The following PHLPP1 variants were observed in gnomAD, a reference collection of about 807,000 sequenced individuals.
PHLPP1 encodes the protein PH domain leucine-rich repeat-containing protein phosphatase 1.
In PHLPP1, 42 loss-of-function variants were observed where a neutral mutation model predicts 117.2. The observed-to-expected ratio is 0.36, with a 90% CI of 0.28 to 0.46. PHLPP1 has a LOEUF of 0.46. Among genes scored for constraint, PHLPP1 ranks in the 20% least tolerant of loss-of-function variants. The probability of loss-of-function intolerance (pLI) is 1.00; values close to 1 mark genes in which losing one functional copy is unlikely to be tolerated. For synonymous variants in PHLPP1, 1,042 were observed against 970.7 expected (o/e 1.07, Z -1.37); for missense variants, 2,084 against 2,241.9 (o/e 0.93, Z 1.42).
intron 2 of PHLPP1, among the ~76,000 whole-genome samples, chr18:62,832,540 G>T (rs1166357283): frequency 6.6e-6 from 1 of 152,192 alleles, no homozygotes. Context: ...TCCCAGGTCT[G>T]TTACTGGATG....
intron 4 of PHLPP1, among the ~76,000 whole-genome samples, chr18:62,884,256 T>A (rs535881352): frequency 6.6e-6 from 1 of 152,214 alleles, no homozygotes; most frequent in Non-Finnish European, 1.5e-5. Flanking sequence ...TATCTCCTAT[T>A]TATGCAGCTG....
rs966217706 is a variant in PHLPP1, at chr18:62,978,240, C to G, written c.3985-22C>G. 4 of 1,486,336 alleles carry G rather than the reference C, an allele frequency of 2.7e-6. No homozygotes were observed. In the African/African-American group the frequency reaches 5.5e-5, roughly 20 times the overall value. 92.1% of individuals were successfully genotyped at this position (1,486,336 alleles called of 1,614,324 possible). The stretch of plus-strand genomic sequence containing the variant: ...CAGGTGCTCTGTATTAACTGTCTGT[C>G]TGCAAACCCTTGTTCTTCCAGGATG... On this transcript the variant is annotated intron_variant, in intron 16 of 16. Transcript: ENST00000262719. This position sits in a 1 kb window ranked among gnomAD's most constrained non-coding sequence, Gnocchi z 7.0.
chr18:62,871,847 G>A (rs554613811), intron 4 of PHLPP1, among the ~76,000 whole-genome samples: 82 of 152,052 alleles, frequency 5.4e-4, no homozygotes, highest in African/African-American at 2.0e-3. Context: ...GTTTCACCAT[G>A]TTGGCCAGGC....
chr18:62,720,291 A>G lies in PHLPP1; in HGVS notation c.1576+3032A>G, dbSNP rs373044539. 5.3e-5 allele frequency among the ~76,000 whole-genome samples: 8 copies of G among 152,114 alleles called. No individual in the cohort carries two copies. In the East Asian group the frequency reaches 1.3e-3, roughly 26 times the overall value. On this transcript the variant is annotated intron_variant, in intron 1 of 16. Transcript: ENST00000262719. Reference sequence around the variant, plus strand: ...TGTCATTGATGTAGGGCAGCATTAAACTATATCTTTTTATATTTTTTGACT... The same window carrying G: ...TGTCATTGATGTAGGGCAGCATTAAGCTATATCTTTTTATATTTTTTGACT...
intron 2 of PHLPP1, among the ~76,000 whole-genome samples, chr18:62,832,953 TAAATA>T (rs1316943146): frequency 1.3e-5 from 2 of 152,206 alleles, no homozygotes; most frequent in Non-Finnish European, 2.9e-5. Context: ...GCTTTGCTGT[TAAATA>T]AAACTCTCAA....
chr18:62,947,627 A>G lies in PHLPP1; in HGVS notation c.3324+2356A>G, dbSNP rs114394463. ...TGAGAGTCTCAAGATTAAACCTCCT[A>G]TTTGCTGGTCTTAGTGTCTGTATCT... On this transcript the variant is annotated intron_variant, in intron 12 of 16. Coordinates refer to ENST00000262719, the MANE Select transcript of PHLPP1 (RefSeq NM_194449.4). Among the ~76,000 whole-genome samples, 753 of 152,274 alleles carry G rather than the reference A, an allele frequency of 4.9e-3. 4 individuals are homozygous for G. The highest frequency in any genetic ancestry group is 0.017 in the African/African-American group (718 of 41,552).
At chr18:62,751,466 G>A (rs141766062) in intron 1 of PHLPP1, among the ~76,000 whole-genome samples, 1 of 152,204 alleles carries the variant, frequency 6.6e-6, no homozygotes, top group Non-Finnish European at 1.5e-5. Flanking sequence ...TGGCAAGCAT[G>A]CAGAGGAGAG....
chr18:62,820,955 G>A (rs1339356257), intron 1 of PHLPP1, among the ~76,000 whole-genome samples: 1 of 152,178 alleles, frequency 6.6e-6, no homozygotes, highest in Non-Finnish European at 1.5e-5. Context: ...ATAAAAGAAA[G>A]ATAGCTGGAA....
chr18:62,723,905 C>T (rs2122049551), intron 1 of PHLPP1, among the ~76,000 whole-genome samples: 1 of 152,256 alleles, frequency 6.6e-6, no homozygotes. Context: ...AGATCTCTTC[C>T]AACTCGTAAC....
intron 4 of PHLPP1, among the ~76,000 whole-genome samples, chr18:62,876,525 A>G (rs1916054573): frequency 6.6e-6 from 1 of 152,150 alleles, no homozygotes; most frequent in Non-Finnish European, 1.5e-5. Context: ...ATTGCCATCT[A>G]CTGTAAAGTC....
chr18:62,866,753 A>G (rs1468912043), intron 4 of PHLPP1, among the ~76,000 whole-genome samples: 2 of 152,220 alleles, frequency 1.3e-5, no homozygotes, highest in African/African-American at 4.8e-5. Flanking sequence ...AGGAGGATTC[A>G]GATTCTGTCT....
At chr18:62,794,645 G>C (rs1004951920) in intron 1 of PHLPP1, among the ~76,000 whole-genome samples, 4 of 152,132 alleles carry the variant, frequency 2.6e-5, no homozygotes, top group African/African-American at 9.7e-5. Context: ...AAAGTGATGG[G>C]ATTACAGGCA....
At position 62,979,518 on chromosome 18, in the gene PHLPP1, C is replaced by G; in HGVS notation, c.*87C>G. The G allele has an allele frequency of 2.9e-6, 4 of 1,377,680 alleles. No homozygotes were observed. The highest frequency in any genetic ancestry group is 2.9e-6 in the Non-Finnish European group (3 of 1,018,542). The allele number at this position is 1,377,680 out of a possible 1,614,324, so 85.3% of individuals were successfully genotyped here. A position where few individuals can be genotyped will look rare whatever the true frequency, so the allele number is the denominator to read the frequency against. ...GGCTCACATTAAACCAGGGGTTTTA[C>G]TCCACATCCTTCCCCCAGACACTGT... is the stretch of plus-strand genomic sequence containing the variant. On this transcript the variant is annotated 3_prime_UTR_variant, in exon 17 of 17. Coordinates refer to ENST00000262719, the MANE Select transcript of PHLPP1 (RefSeq NM_194449.4).
intron 4 of PHLPP1, among the ~76,000 whole-genome samples, chr18:62,875,971 G>T (rs1301684932): frequency 6.6e-6 from 1 of 152,062 alleles, no homozygotes; most frequent in Non-Finnish European, 1.5e-5. Flanking sequence ...GACCTGAGAT[G>T]ATCTGCCTGC....
chr18:62,886,015 G>C (rs1916279355), intron 4 of PHLPP1, among the ~76,000 whole-genome samples: 1 of 152,188 alleles, frequency 6.6e-6, no homozygotes, highest in African/African-American at 2.4e-5. Flanking sequence ...TGGCTGTGAA[G>C]CTGGAGAAAG....
chr18:62,852,039 G>T (rs913437992), intron 3 of PHLPP1, among the ~76,000 whole-genome samples: 2 of 151,562 alleles, frequency 1.3e-5, no homozygotes, highest in African/African-American at 2.4e-5. Context: ...ACCACACCTG[G>T]CCAATTTTTT....
At chr18:62,750,929 G>A (rs1911831937) in intron 1 of PHLPP1, among the ~76,000 whole-genome samples, 1 of 152,124 alleles carries the variant, frequency 6.6e-6, no homozygotes, top group Non-Finnish European at 1.5e-5. Flanking sequence ...AGAAATTTGT[G>A]GAGTTCATTT....
rs1431440745 is a variant in PHLPP1, at chr18:62,770,214, G to A, written c.1576+52955G>A. ...CAACCTCCGCCTCCTGGTTTCAAGC[G>A]ATTCTCCTGCCTCAGCCTCCCAGGT... On this transcript the variant is annotated intron_variant, in intron 1 of 16. Coordinates refer to ENST00000262719, the MANE Select transcript of PHLPP1 (RefSeq NM_194449.4). Among the ~76,000 whole-genome samples the A allele has an allele frequency of 3.9e-5, 6 of 152,078 alleles. No homozygotes were observed. The South Asian group carries it at 8.3e-4, about 21-fold the overall frequency.
chr18:62,781,777 C>T (rs1913126726), intron 1 of PHLPP1, among the ~76,000 whole-genome samples: 1 of 152,082 alleles, frequency 6.6e-6, no homozygotes, highest in Admixed American at 6.5e-5. Flanking sequence ...GAAACATAGC[C>T]TCATGAAGAT....
Sources: gnomAD v4.1 joint callset for allele counts (sites outside exome capture counted in the v4.1 genomes callset) on GRCh38, gnomAD v4.1.1 for gene constraint, Gnocchi (gnomAD v3.1) non-coding constraint, MANE v1.5 for transcripts, NCBI Gene and HGNC (gene_info 2026-07-23, HGNC 2026-07-21) for gene names.